Variants in FANCD2 observed in about 807,000 individuals in gnomAD.
The protein encoded by FANCD2 is FA complementation group D2.
Under a neutral mutation model 192.3 loss-of-function variants are expected in FANCD2, and 131 were observed. The observed-to-expected ratio is 0.68, with a 90% CI of 0.59 to 0.79. FANCD2 has a LOEUF of 0.79. FANCD2 is among the 30% of genes least tolerant of loss of function. The probability of loss-of-function intolerance (pLI) is 0.00; values close to 1 mark genes in which losing one functional copy is unlikely to be tolerated. For missense variants in FANCD2, 1,508 were observed against 1,701.6 expected (o/e 0.89, Z 2.00); for synonymous variants, 524 against 612.5 (o/e 0.86, Z 2.13).
At chr3:10,063,325 T>C (rs1159593558) in intron 20 of FANCD2, among the ~76,000 whole-genome samples, 2 of 152,008 alleles carry the variant, frequency 1.3e-5, no homozygotes, top group Non-Finnish European at 2.9e-5. Context: ...TAGTCCCAGC[T>C]ACTCAGGAGG....
Position 10,029,308 on chromosome 3 carries a change from T to C in FANCD2, c.64+587T>C, listed in dbSNP as rs540918839. ...TAAAGCTAGGAGTTCAAGACCAGCC[T>C]GGGTAACATAGCGAGACTCCATCTC... On this transcript the variant is annotated intron_variant, in intron 2 of 43. Coordinates refer to ENST00000675286, the MANE Select transcript of FANCD2 (RefSeq NM_001018115.3). Among the ~76,000 whole-genome samples, 6 of 152,258 alleles carry C rather than the reference T, an allele frequency of 3.9e-5. 1 individual carries two copies. In the East Asian group the frequency reaches 7.7e-4, roughly 20 times the overall value.
At chr3:10,079,600 A>T (rs964659923) in intron 30 of FANCD2, among the ~76,000 whole-genome samples, 2 of 152,210 alleles carry the variant, frequency 1.3e-5, no homozygotes, top group African/African-American at 4.8e-5. Context: ...TGCTGGGATT[A>T]TAGGCGTGAG....
rs781023139 is a variant in FANCD2 at position 10,042,661 on chromosome 3, G to C, written c.886G>C (p.Glu296Gln). The C allele has an allele frequency of 1.2e-6, 2 of 1,611,756 alleles. No individual in the cohort carries two copies. Among genetic ancestry groups the C allele is most frequent in the Admixed American group, 3.3e-5 (2 of 60,028 alleles). ...LHSVTAMDTL[E>Q]VISELREKLD... ...TTCCGTAACAGCCATGGATACACTT[G>C]AGGTATGCTCTTATATCCCATCACA... The change falls in exon 11 of 44, where the codon GAG becomes CAG. Residue 296 changes from glutamate (E) to glutamine (Q), a missense_variant and splice_region_variant. Transcript: ENST00000675286.
At chr3:10,085,566 A>G (rs1392490759) in intron 32 of FANCD2, among the ~76,000 whole-genome samples, 5 of 151,504 alleles carry the variant, frequency 3.3e-5, no homozygotes, top group South Asian at 2.1e-4. Flanking sequence ...TAATTTTTGT[A>G]TTTTTAGTAG....
intron 29 of FANCD2, among the ~76,000 whole-genome samples, chr3:10,076,780 C>T (rs1211677338): frequency 6.6e-6 from 1 of 152,202 alleles, no homozygotes; most frequent in African/African-American, 2.4e-5. Context: ...GTCTGGAGTG[C>T]AGTGGCACGA....
chr3:10,050,344 T>G (rs1235292097), intron 17 of FANCD2, among the ~76,000 whole-genome samples: 7 of 152,010 alleles, frequency 4.6e-5, no homozygotes, highest in African/African-American at 1.7e-4. Flanking sequence ...TATGTGGCGG[T>G]CCGGGTGCGG....
At position 10,026,488 on chromosome 3, in the gene FANCD2, C is replaced by T; in HGVS notation, c.-34+15C>T. 1 of 509,518 alleles carries T rather than the reference C, an allele frequency of 2.0e-6. No individual in the cohort carries two copies. The highest frequency in any genetic ancestry group is 2.5e-6 in the Non-Finnish European group (1 of 392,480). 31.6% of individuals were successfully genotyped at this position (509,518 alleles called of 1,614,324 possible). On this transcript the variant is annotated intron_variant, in intron 1 of 43. Transcript: ENST00000675286. ...ACGGCTTCTCGGTGAGTAAGTGGAG[C>T]AATGGTCGTAGTCTCTCGAGGCCCC...
intron 42 of FANCD2, among the ~76,000 whole-genome samples, chr3:10,097,265 G>C (rs1263501910): frequency 6.6e-6 from 1 of 152,216 alleles, no homozygotes; most frequent in African/African-American, 2.4e-5. Flanking sequence ...TCAGGAGACA[G>C]GGTTTTGAGA....
intron 43 of FANCD2, among the ~76,000 whole-genome samples, chr3:10,099,856 CTCTG>C (rs1348033058): frequency 1.3e-5 from 2 of 152,160 alleles, no homozygotes; most frequent in African/African-American, 4.8e-5. Context: ...GCTGTGGGGC[CTCTG>C]TCTGTAATGC....
At chr3:10,082,588 C>A (rs763860470) in intron 32 of FANCD2, among the ~76,000 whole-genome samples, 24 of 152,146 alleles carry the variant, frequency 1.6e-4, no homozygotes, top group Non-Finnish European at 2.9e-4. Context: ...AATTTGAGCA[C>A]CCTATATAGC....
chr3:10,076,523 T>C (rs1300297409), intron 29 of FANCD2, among the ~76,000 whole-genome samples: 1 of 152,186 alleles, frequency 6.6e-6, no homozygotes, highest in African/African-American at 2.4e-5. Flanking sequence ...TTATATGAGA[T>C]GGGTGCAGTT....
At chr3:10,028,788 G>A in intron 2 of FANCD2, 67 bp downstream of exon 2, 1 of 1,341,766 alleles carries the variant, frequency 7.5e-7, no homozygotes. Flanking sequence ...GAGATATAAA[G>A]TTCCTGCTTT....
At chr3:10,027,626 C>T (rs984634244) in intron 1 of FANCD2, among the ~76,000 whole-genome samples, 3 of 152,146 alleles carry the variant, frequency 2.0e-5, no homozygotes, top group Non-Finnish European at 4.4e-5. Context: ...TTCTTCAGGC[C>T]GGGCGCGGTT....
At position 10,043,066 on chromosome 3, in the gene FANCD2, G is replaced by C. The variant is rs755797932; in HGVS notation, c.905G>C (p.Arg302Pro). The stretch of plus-strand genomic sequence containing the variant: ...TTTCTGCAGGTAATTTCTGAGCTTC[G>C]GGAGAAGTTGGATCTGCAGCATTGT... ...MDTLEVISEL[R>P]EKLDLQHCVL... The change falls in exon 12 of 44, where the codon CGG becomes CCG. Residue 302 changes from arginine (R) to proline (P), a missense_variant. Arg to Pro is a moderately radical substitution (Grantham distance 103). This residue lies in a region of FANCD2 where 435 missense variants were observed against 421.9 expected (regional missense o/e 1.03). Transcript: ENST00000675286. 1.2e-6 allele frequency: 2 copies of C among 1,613,850 alleles called. No individual in the cohort carries two copies. Among genetic ancestry groups the C allele is most frequent in the Non-Finnish European group, 1.7e-6 (2 of 1,180,006 alleles).
intron 36 of FANCD2, among the ~76,000 whole-genome samples, chr3:10,089,397 A>G (rs1175474563): frequency 1.3e-5 from 2 of 152,206 alleles, no homozygotes; most frequent in African/African-American, 2.4e-5. Context: ...CATTCATTCA[A>G]TAAAGAGAGT....
intron 43 of FANCD2, 107 bp from the exon 44 acceptor site, chr3:10,101,081 T>C (rs997329382): frequency 3.5e-6 from 3 of 856,836 alleles, no homozygotes; most frequent in South Asian, 1.5e-5. Flanking sequence ...AAAAAAAAAG[T>C]TTTAACAGTG....
intron 20 of FANCD2, among the ~76,000 whole-genome samples, chr3:10,062,994 C>A (rs942102473): frequency 4.9e-4 from 75 of 152,306 alleles, no homozygotes; most frequent in African/African-American, 1.8e-3. Flanking sequence ...AGCCACCACT[C>A]CCAGGCCAGT....
At chr3:10,042,829 A>C (rs2086898321) in intron 11 of FANCD2, among the ~76,000 whole-genome samples, 166 bp downstream of exon 11, 1 of 152,192 alleles carries the variant, frequency 6.6e-6, no homozygotes, top group Admixed American at 6.5e-5. Context: ...TATAAGTTAC[A>C]TTTACTCTTC....
intron 29 of FANCD2, among the ~76,000 whole-genome samples, 198 bp from the exon 30 acceptor site, chr3:10,077,883 A>C (rs374776972): frequency 7.9e-5 from 12 of 152,182 alleles, no homozygotes; most frequent in African/African-American, 2.6e-4. Flanking sequence ...AAAAAAAAAA[A>C]TGTAGCTGGG....
Sources: gnomAD v4.1 joint callset for allele counts (sites outside exome capture counted in the v4.1 genomes callset) on GRCh38, gnomAD v4.1.1 for gene constraint, gnomAD v4.1.1 regional missense constraint, MANE v1.5 for transcripts, NCBI Gene and HGNC (gene_info 2026-07-23, HGNC 2026-07-21) for gene names.